Variants in PRDM11 observed in about 807,000 individuals in gnomAD.
The protein encoded by PRDM11 is PR/SET domain 11, also known as PR domain-containing protein 11.
A neutral mutation model predicts 97.8 loss-of-function variants in PRDM11; 20 were observed. That is an observed-to-expected ratio of 0.20 (90% CI 0.14 to 0.30). The LOEUF is 0.30. PRDM11 is among the 10% of genes least tolerant of loss of function. The pLI, the probability that PRDM11 is intolerant of heterozygous loss-of-function variation, is 1.00. For missense variants in PRDM11, 1,139 were observed against 1,555.2 expected (o/e 0.73, Z 4.50); for synonymous variants, 599 against 637.7 (o/e 0.94, Z 0.91).
At chr11:45,115,727 C>T (rs537697521) in intron 1 of PRDM11, among the ~76,000 whole-genome samples, 4 of 151,764 alleles carry the variant, frequency 2.6e-5, no homozygotes, top group East Asian at 1.9e-4. Context: ...GTCAGGAGTT[C>T]GAGATCAGCC....
At chr11:45,200,956 G>T (rs1853305454) in intron 4 of PRDM11, among the ~76,000 whole-genome samples, 1 of 152,188 alleles carries the variant, frequency 6.6e-6, no homozygotes, top group South Asian at 2.1e-4. Flanking sequence ...ATGTAAACAT[G>T]CATAGTGGTG....
chr11:45,190,394 C>T (rs534690757), intron 4 of PRDM11, among the ~76,000 whole-genome samples: 5 of 152,022 alleles, frequency 3.3e-5, no homozygotes, highest in African/African-American at 9.6e-5. Context: ...GCAATCTGCC[C>T]GCCTCGGCTT....
chr11:45,169,338 C>A (rs1448385907), intron 1 of PRDM11, among the ~76,000 whole-genome samples: 1 of 152,222 alleles, frequency 6.6e-6, no homozygotes, highest in African/African-American at 2.4e-5. Flanking sequence ...AGCCCTCAGT[C>A]TAGGAGCATC....
intron 1 of PRDM11, among the ~76,000 whole-genome samples, chr11:45,158,989 C>A (rs531423975): frequency 3.9e-5 from 6 of 152,124 alleles, no homozygotes; most frequent in African/African-American, 9.7e-5. Context: ...CTCCTTGAGC[C>A]CCCCCTTCCT....
chr11:45,179,223 G>A (rs1187098559), intron 1 of PRDM11, among the ~76,000 whole-genome samples: 1 of 152,102 alleles, frequency 6.6e-6, no homozygotes, highest in Non-Finnish European at 1.5e-5. Context: ...CCAAATGACT[G>A]ACTTAAAAAA....
rs1854299986 is a variant in PRDM11, at chr11:45,227,339, T to C, written c.2714T>C (p.Val905Ala). ...AYIFQGEYLL[V>A]SQVDDKIEEA... Reference sequence around the variant, plus strand: ...ATCTTCCAGGGCGAGTACCTGCTGGTGTCCCAGGTGGATGACAAGATCGAG... The same window carrying C: ...ATCTTCCAGGGCGAGTACCTGCTGGCGTCCCAGGTGGATGACAAGATCGAG... Residue 905 changes from valine to alanine, a missense_variant, in exon 8 of 8, where the codon GTG becomes GCG. Coordinates refer to ENST00000683152, the MANE Select transcript of PRDM11 (RefSeq NM_001384648.1). The surrounding 1 kb of genome is among the most constrained non-coding windows in gnomAD (Gnocchi z 8.0). 2 of 1,533,858 alleles carry C rather than the reference T, an allele frequency of 1.3e-6. No individual in the cohort carries two copies. Among genetic ancestry groups the C allele is most frequent in the African/African-American group, 2.7e-5 (2 of 72,984 alleles).
chr11:45,170,564 A>G (rs1590402093), intron 1 of PRDM11, among the ~76,000 whole-genome samples: 1 of 151,530 alleles, frequency 6.6e-6, no homozygotes, highest in East Asian at 1.9e-4. Context: ...TGTGGCTGTG[A>G]TGTGGGGTGG....
chr11:45,175,574 T>G (rs916234960), intron 1 of PRDM11, among the ~76,000 whole-genome samples: 1 of 152,244 alleles, frequency 6.6e-6, no homozygotes, highest in Non-Finnish European at 1.5e-5. Flanking sequence ...TTTTGGAGGT[T>G]TAAATTCTTT....
chr11:45,140,052 C>T (rs1204412933), intron 1 of PRDM11, among the ~76,000 whole-genome samples: 1 of 152,194 alleles, frequency 6.6e-6, no homozygotes, highest in African/African-American at 2.4e-5. Context: ...CCATTTTCAT[C>T]TTCTACACAT....
intron 4 of PRDM11, among the ~76,000 whole-genome samples, chr11:45,186,405 G>A (rs1383959958): frequency 1.3e-5 from 2 of 152,162 alleles, no homozygotes; most frequent in Non-Finnish European, 2.9e-5. Context: ...GAGATGCTGG[G>A]ATGACAGGGA....
chr11:45,226,092 G>C lies in PRDM11; in HGVS notation c.1467G>C (p.Ala489=). ...CTGTCTCCAATGATATGATGACAGC[G>C]ACGGATGAGCCCTCCAAGATGTCAT... ...DESVSNDMMT[A]TDEPSKMSSA... is the part of the protein sequence containing the mutation. The change falls in exon 8 of 8, where the codon GCG becomes GCC. Residue 489 remains alanine (A), a synonymous_variant. Coordinates refer to ENST00000683152, the MANE Select transcript of PRDM11 (RefSeq NM_001384648.1). The C allele has an allele frequency of 6.5e-7, 1 of 1,532,026 alleles. No homozygotes were observed. Among genetic ancestry groups the C allele is most frequent in the South Asian group, 1.2e-5 (1 of 83,954 alleles). The allele number at this position is 1,532,026 out of a possible 1,614,324, so 94.9% of individuals were successfully genotyped here. A position where few individuals can be genotyped will look rare whatever the true frequency, so the allele number is the denominator to read the frequency against.
intron 4 of PRDM11, among the ~76,000 whole-genome samples, chr11:45,192,856 A>G (rs544540547): frequency 6.6e-6 from 1 of 152,374 alleles, no homozygotes; most frequent in South Asian, 2.1e-4. Context: ...TTAACTACAA[A>G]AACCTCAACA....
chr11:45,217,597 C>T (rs190606331), intron 5 of PRDM11, among the ~76,000 whole-genome samples: 57 of 152,316 alleles, frequency 3.7e-4, no homozygotes, highest in African/African-American at 1.3e-3. Context: ...GGTCTTACTC[C>T]TTCTGAGGTC....
chr11:45,164,997 T>G (rs1852024858), intron 1 of PRDM11, among the ~76,000 whole-genome samples: 2 of 152,192 alleles, frequency 1.3e-5, no homozygotes, highest in Admixed American at 1.3e-4. Flanking sequence ...TGCTTATAAC[T>G]TCACTCACAA....
intron 1 of PRDM11, among the ~76,000 whole-genome samples, chr11:45,121,351 G>T (rs1177852401): frequency 6.6e-6 from 1 of 152,086 alleles, no homozygotes; most frequent in Non-Finnish European, 1.5e-5. Context: ...CAAAAAGCTG[G>T]TGTGGTTATA....
chr11:45,134,541 A>T (rs1432179365), intron 1 of PRDM11, among the ~76,000 whole-genome samples: 1 of 151,700 alleles, frequency 6.6e-6, no homozygotes, highest in Non-Finnish European at 1.5e-5. Context: ...TCTACAAAAA[A>T]TACAAAAATT....
chr11:45,168,873 A>G (rs1452432261), intron 1 of PRDM11, among the ~76,000 whole-genome samples: 1 of 152,232 alleles, frequency 6.6e-6, no homozygotes, highest in Non-Finnish European at 1.5e-5. Flanking sequence ...GCTTCAGCCC[A>G]GAGACTGCAC....
upstream of PRDM11, among the ~76,000 whole-genome samples, chr11:45,144,427 G>A (rs1284300711): frequency 3.3e-5 from 5 of 152,138 alleles, no homozygotes; most frequent in Admixed American, 1.3e-4. Context: ...GAGGACCTAC[G>A]GCTTCCTGGC....
At chr11:45,216,792 G>C (rs1289096928) in intron 5 of PRDM11, among the ~76,000 whole-genome samples, 1 of 152,230 alleles carries the variant, frequency 6.6e-6, no homozygotes, top group Non-Finnish European at 1.5e-5. Flanking sequence ...GATAGAAAAA[G>C]ACCAGAAGAT....
Sources: gnomAD v4.1 joint callset for allele counts (sites outside exome capture counted in the v4.1 genomes callset) on GRCh38, gnomAD v4.1.1 for gene constraint, Gnocchi (gnomAD v3.1) non-coding constraint, MANE v1.5 for transcripts, NCBI Gene and HGNC (gene_info 2026-07-23, HGNC 2026-07-21) for gene names.